Variants in LAMA2 observed in about 807,000 individuals in gnomAD.
LAMA2 encodes the protein laminin subunit alpha-2.
A neutral mutation model predicts 364.8 loss-of-function variants in LAMA2; 269 were observed. The ratio of observed to expected loss-of-function variants is 0.74; its 90% CI spans 0.67 to 0.82. The LOEUF (loss-of-function observed/expected upper bound fraction) is 0.82, where lower values mean the gene tolerates loss of function less well. Ranked by LOEUF, LAMA2 falls within the 40% of genes least tolerant of loss-of-function variation. LAMA2 has a pLI of 0.00. For missense variants in LAMA2, 3,807 were observed against 3,873.2 expected (o/e 0.98, Z 0.45); for synonymous variants, 1,379 against 1,370.6 (o/e 1.01, Z -0.14).
At chr6:129,172,620 C>G (rs1216760384) in intron 9 of LAMA2, among the ~76,000 whole-genome samples, 2 of 152,216 alleles carry the variant, frequency 1.3e-5, no homozygotes, top group Non-Finnish European at 2.9e-5. Context: ...TTACTGCTGT[C>G]TTTTTGTTTG....
chr6:129,063,224 G>C (rs1789054607), intron 3 of LAMA2, among the ~76,000 whole-genome samples: 1 of 151,976 alleles, frequency 6.6e-6, no homozygotes, highest in Non-Finnish European at 1.5e-5. Flanking sequence ...AAAGGATCTA[G>C]AGTCAGCATG....
At chr6:128,915,037 C>G (rs1312388693) in intron 1 of LAMA2, among the ~76,000 whole-genome samples, 1 of 152,098 alleles carries the variant, frequency 6.6e-6, no homozygotes, top group Non-Finnish European at 1.5e-5. Context: ...ATGAGTAGCT[C>G]TAATTGGAGC....
chr6:129,143,788 C>A, intron 4 of LAMA2, 113 bp from the exon 5 acceptor site: 1 of 759,562 alleles, frequency 1.3e-6, no homozygotes, highest in Non-Finnish European at 2.2e-6. Context: ...CCTGAATCTG[C>A]GTAACTAATT....
Position 129,152,858 on chromosome 6 carries a change from G to A in LAMA2, c.1028-1647G>A. 1.3e-5 allele frequency among the ~76,000 whole-genome samples: 2 copies of A among 152,118 alleles called. 1 individual carries two copies. Among genetic ancestry groups the A allele is most frequent in the Non-Finnish European group, 2.9e-5 (2 of 68,010 alleles). On this transcript the variant is annotated intron_variant, in intron 7 of 64. Coordinates refer to ENST00000421865, the MANE Select transcript of LAMA2 (RefSeq NM_000426.4). Reference sequence around the variant, plus strand: ...CTGTGTACCCTTAGGGGATACACATGCTAATATGGAAAGGGCTCCATGATT... The same window carrying A: ...CTGTGTACCCTTAGGGGATACACATACTAATATGGAAAGGGCTCCATGATT...
In LAMA2 at chr6:129,095,086, A is replaced by C. The variant is rs773560791; in HGVS notation, c.397-3087A>C. ...ATGCCCACCATTTCAGAAGAATTAT[A>C]ATAAGGAATATAGCATCTTTAACCC... On this transcript the variant is annotated intron_variant, in intron 3 of 64. Coordinates refer to ENST00000421865, the MANE Select transcript of LAMA2 (RefSeq NM_000426.4). 8.3e-4 allele frequency among the ~76,000 whole-genome samples: 126 copies of C among 152,368 alleles called. 1 individual carries two copies. The highest frequency in any genetic ancestry group is 8.8e-4 in the Non-Finnish European group (60 of 68,030).
At chr6:129,392,479 T>C (rs1177668261) in intron 36 of LAMA2, among the ~76,000 whole-genome samples, 1 of 152,202 alleles carries the variant, frequency 6.6e-6, no homozygotes, top group Non-Finnish European at 1.5e-5. Flanking sequence ...ATTACTGTCT[T>C]TCAAGTATTT....
intron 14 of LAMA2, among the ~76,000 whole-genome samples, chr6:129,259,380 T>A (rs1037425654): frequency 2.0e-5 from 3 of 152,058 alleles, no homozygotes; most frequent in Non-Finnish European, 4.4e-5. Flanking sequence ...AGAAAGGAAC[T>A]GAAAAATGCA....
intron 10 of LAMA2, among the ~76,000 whole-genome samples, chr6:129,189,433 C>G (rs1207254956): frequency 6.6e-6 from 1 of 152,038 alleles, no homozygotes; most frequent in Non-Finnish European, 1.5e-5. Flanking sequence ...ATATGGTCAG[C>G]TTTCACTGGC....
At chr6:129,241,884 C>T (rs1238055758) in intron 12 of LAMA2, among the ~76,000 whole-genome samples, 3 of 152,090 alleles carry the variant, frequency 2.0e-5, no homozygotes, top group African/African-American at 4.8e-5. Flanking sequence ...AAAGAATCAC[C>T]TGCAGAGTTC....
At chr6:129,411,707 AC>A (rs1355811054) in intron 40 of LAMA2, among the ~76,000 whole-genome samples, 10 of 150,108 alleles carry the variant, frequency 6.7e-5, no homozygotes, top group Non-Finnish European at 1.5e-4. Context: ...CTGAACTACT[AC>A]AAATACGCTT....
chr6:129,206,206 A>G lies in LAMA2; in HGVS notation c.1782+13353A>G, dbSNP rs564074561. 7.9e-5 allele frequency among the ~76,000 whole-genome samples: 12 copies of G among 152,154 alleles called. No individual in the cohort carries two copies. The South Asian group carries it at 2.5e-3, about 32-fold the overall frequency. On this transcript the variant is annotated intron_variant, in intron 12 of 64. Transcript: ENST00000421865. ...ACAAAGTAGTTTATCTATCTAATCT[A>G]TATGTATGACTACTATTTGTCTTTT...
intron 12 of LAMA2, among the ~76,000 whole-genome samples, chr6:129,198,379 G>A (rs1030787684): frequency 2.0e-5 from 3 of 152,130 alleles, no homozygotes; most frequent in African/African-American, 2.4e-5. Context: ...CAATCCAGAT[G>A]TGTCTATAGC....
At chr6:129,314,047 T>C (rs566399712) in intron 23 of LAMA2, among the ~76,000 whole-genome samples, 6 of 152,350 alleles carry the variant, frequency 3.9e-5, no homozygotes, top group Admixed American at 2.6e-4. Flanking sequence ...TTTGAAATTT[T>C]CATGAGTCTT....
chr6:129,322,137 T>C (rs1775002350), intron 28 of LAMA2, among the ~76,000 whole-genome samples: 1 of 152,234 alleles, frequency 6.6e-6, no homozygotes, highest in Admixed American at 6.5e-5. Flanking sequence ...CTTAAAATGA[T>C]TTTCTACTCT....
chr6:129,392,967 T>C, intron 36 of LAMA2, 78 bp from the exon 37 acceptor site: 2 of 1,098,722 alleles, frequency 1.8e-6, no homozygotes, highest in African/African-American at 1.6e-5. Flanking sequence ...CATCTCTTTG[T>C]AACATGGTTT....
chr6:129,279,841 A>G (rs1023334766), intron 17 of LAMA2, among the ~76,000 whole-genome samples: 1 of 152,178 alleles, frequency 6.6e-6, no homozygotes, highest in African/African-American at 2.4e-5. Context: ...AACATGTCAC[A>G]GGGATACTGC....
At chr6:129,069,314 G>C (rs1055686720) in intron 3 of LAMA2, among the ~76,000 whole-genome samples, 6 of 150,782 alleles carry the variant, frequency 4.0e-5, no homozygotes, top group African/African-American at 1.5e-4. Context: ...GTGGAATACT[G>C]TGTATTTTCC....
intron 34 of LAMA2, among the ~76,000 whole-genome samples, chr6:129,373,636 C>T (rs978682429): frequency 6.6e-6 from 1 of 152,096 alleles, no homozygotes; most frequent in African/African-American, 2.4e-5. Context: ...CTTAGGGTTC[C>T]TCTAGACTGT....
chr6:129,428,876 A>G (rs115944556), intron 41 of LAMA2, among the ~76,000 whole-genome samples: 6 of 152,142 alleles, frequency 3.9e-5, no homozygotes, highest in African/African-American at 1.4e-4. Flanking sequence ...AGCCATTACA[A>G]TTATTATTTT....
Sources: allele counts gnomAD v4.1 joint callset (sites outside exome capture counted in the v4.1 genomes callset), GRCh38; gene constraint gnomAD v4.1.1; transcripts MANE v1.5; gene names NCBI Gene and HGNC (gene_info 2026-07-23, HGNC 2026-07-21).